The following MMS22L variants were observed in gnomAD, a reference collection of about 807,000 sequenced individuals.
The protein encoded by MMS22L is MMS22 like, DNA repair protein.
MMS22L carries 74 observed loss-of-function variants against 159.1 expected under a neutral mutation model. The ratio of observed to expected loss-of-function variants is 0.47; its 90% CI spans 0.39 to 0.56. The LOEUF (loss-of-function observed/expected upper bound fraction) is 0.56, where lower values mean the gene tolerates loss of function less well. MMS22L is among the 20% of genes least tolerant of loss of function. MMS22L has a pLI of 0.00. For missense variants in MMS22L, 1,351 were observed against 1,422.1 expected (o/e 0.95, Z 0.80); for synonymous variants, 517 against 506.9 (o/e 1.02, Z -0.27).
At chr6:97,210,376 C>T (rs1243747695) in intron 14 of MMS22L, among the ~76,000 whole-genome samples, 1 of 151,846 alleles carries the variant, frequency 6.6e-6, no homozygotes, top group Non-Finnish European at 1.5e-5. Flanking sequence ...AAGCAGACAA[C>T]AGGGTGAAGA....
chr6:97,161,687 T>C (rs1188956548), intron 22 of MMS22L, among the ~76,000 whole-genome samples: 1 of 152,042 alleles, frequency 6.6e-6, no homozygotes, highest in African/African-American at 2.4e-5. Flanking sequence ...TTGCCTTTAA[T>C]ACTGAAGTCA....
intron 14 of MMS22L, among the ~76,000 whole-genome samples, chr6:97,191,801 T>C (rs191290455): frequency 2.4e-4 from 36 of 152,338 alleles, no homozygotes; most frequent in Admixed American, 2.2e-3. Flanking sequence ...AAACAGGGCT[T>C]ACTCTGCCTT....
rs1387433700 is a variant in MMS22L, at chr6:97,269,931, T to C, written c.668A>G (p.Glu223Gly). The change falls in exon 7 of 25, where the codon GAA becomes GGA. Residue 223 changes from glutamate (E) to glycine (G), a missense_variant. Physicochemically the swap from Glu to Gly is moderately conservative, Grantham distance 98. Transcript: ENST00000683635. ...LHLDIHWLVLEILYMLGEKLK... is the reference protein window; with the variant it reads ...LHLDIHWLVLGILYMLGEKLK... ...TTTTTCACCCAGCATGTAAAGAATT[T>C]CTAGCACCAGCCAATGTATATCCAA... The C allele has an allele frequency of 6.2e-7, 1 of 1,611,950 alleles. No homozygotes were observed. The highest frequency in any genetic ancestry group is 8.5e-7 in the Non-Finnish European group (1 of 1,178,818).
chr6:97,240,630 AT>A (rs35779472), intron 11 of MMS22L, among the ~76,000 whole-genome samples: 55 of 147,142 alleles, frequency 3.7e-4, no homozygotes, highest in African/African-American at 7.3e-4. Flanking sequence ...AAGTATGGTC[AT>A]TTTTTTTTTT....
At chr6:97,172,829 G>GT (rs1180400957) in intron 19 of MMS22L, among the ~76,000 whole-genome samples, 3 of 152,046 alleles carry the variant, frequency 2.0e-5, no homozygotes, top group African/African-American at 7.2e-5. Context: ...CATATTTTCT[G>GT]TATTGATCAT....
intron 14 of MMS22L, among the ~76,000 whole-genome samples, chr6:97,189,591 T>TAAA (rs1241638061): frequency 2.6e-5 from 3 of 113,384 alleles, no homozygotes; most frequent in African/African-American, 3.3e-5. Flanking sequence ...AATAATTAAT[T>TAAA]AAAAAAAAAA....
chr6:97,206,655 C>CT (rs1212871971), intron 14 of MMS22L, among the ~76,000 whole-genome samples: 10 of 151,950 alleles, frequency 6.6e-5, no homozygotes, highest in Admixed American at 5.9e-4. Flanking sequence ...TGGGGAAAGA[C>CT]TTTTTTGTTA....
intron 2 of MMS22L, 65 bp from the exon 3 acceptor site, chr6:97,281,427 TCTTTA>T: frequency 1.5e-6 from 2 of 1,331,146 alleles, no homozygotes; most frequent in Non-Finnish European, 2.0e-6. Context: ...ACGGCTCTTT[TCTTTA>T]CATTATTTGA....
Position 97,273,080 on chromosome 6 carries a change from A to C in MMS22L, c.341-18T>G. On this transcript the variant is annotated intron_variant, in intron 4 of 24. Transcript: ENST00000683635. Reference sequence around the variant, plus strand: ...TACCTTCCCTGAAACCAAAATAGACAATGTTAATCATAGTTCAAATAATTA... The same window carrying C: ...TACCTTCCCTGAAACCAAAATAGACCATGTTAATCATAGTTCAAATAATTA... 6.3e-7 allele frequency: 1 copy of C among 1,578,440 alleles called. No homozygotes were observed. The highest frequency in any genetic ancestry group is 8.6e-7 in the Non-Finnish European group (1 of 1,162,844).
intron 14 of MMS22L, among the ~76,000 whole-genome samples, chr6:97,219,781 C>T (rs929499471): frequency 2.0e-5 from 3 of 152,136 alleles, no homozygotes; most frequent in Non-Finnish European, 4.4e-5. Context: ...GAAGCAAAGG[C>T]AAAAAGCAAA....
intron 22 of MMS22L, among the ~76,000 whole-genome samples, chr6:97,155,487 C>T (rs928750561): frequency 9.2e-5 from 14 of 152,088 alleles, no homozygotes; most frequent in East Asian, 1.9e-4. Flanking sequence ...TGACAGGCCC[C>T]GGTGTGTGAT....
At chr6:97,147,503 T>A (rs1421929909) in intron 24 of MMS22L, among the ~76,000 whole-genome samples, 2 of 152,212 alleles carry the variant, frequency 1.3e-5, no homozygotes, top group Non-Finnish European at 2.9e-5. Context: ...TGGGCCTGCA[T>A]AACCACACAA....
chr6:97,201,772 T>C (rs955633090), intron 14 of MMS22L, among the ~76,000 whole-genome samples: 1 of 152,206 alleles, frequency 6.6e-6, no homozygotes, highest in African/African-American at 2.4e-5. Flanking sequence ...AGCCTTTATC[T>C]CCAAATTCAC....
intron 1 of MMS22L, 36 bp from the exon 2 acceptor site, chr6:97,282,589 G>A (rs1816862393): frequency 2.7e-5 from 13 of 476,670 alleles, no homozygotes; most frequent in South Asian, 1.3e-4. Flanking sequence ...GAGAGAGTGG[G>A]GATTACTTCA....
chr6:97,182,705 C>CT (rs1242167074), intron 15 of MMS22L, among the ~76,000 whole-genome samples: 1 of 152,090 alleles, frequency 6.6e-6, no homozygotes, highest in Non-Finnish European at 1.5e-5. Flanking sequence ...GGGTGGCTGT[C>CT]TATTTTCCCA....
At chr6:97,281,722 T>C (rs959435697) in intron 2 of MMS22L, among the ~76,000 whole-genome samples, 1 of 152,234 alleles carries the variant, frequency 6.6e-6, no homozygotes, top group African/African-American at 2.4e-5. Flanking sequence ...GTCTGGAGAA[T>C]AGTATCCAAC....
Position 97,182,006 on chromosome 6 carries a change from A to C in MMS22L, c.2282T>G (p.Phe761Cys). 3 of 1,613,866 alleles carry C rather than the reference A, an allele frequency of 1.9e-6. No homozygotes were observed. The highest frequency in any genetic ancestry group is 2.5e-6 in the Non-Finnish European group (3 of 1,179,806). The change falls in exon 16 of 25, where the codon TTT (phenylalanine) becomes TGT (cysteine). Residue 761 changes from phenylalanine to cysteine, a missense_variant. Phe to Cys is a radical substitution (Grantham distance 205). Coordinates refer to ENST00000683635, the MANE Select transcript of MMS22L (RefSeq NM_001350599.2). ...MDMPSTAPSD[F>C]QPQPVISIIQ... The stretch of plus-strand genomic sequence containing the variant: ...AATTGATATAACTGGCTGAGGCTGA[A>C]AATCTGATGGAGCTGTGCTTGGCAT...
At chr6:97,277,566 A>C (rs1816363618) in intron 4 of MMS22L, among the ~76,000 whole-genome samples, 1 of 151,862 alleles carries the variant, frequency 6.6e-6, no homozygotes, top group Non-Finnish European at 1.5e-5. Flanking sequence ...CACACACACA[A>C]AATGAACAAA....
intron 14 of MMS22L, among the ~76,000 whole-genome samples, chr6:97,191,050 C>T (rs1312305719): frequency 6.6e-6 from 1 of 152,082 alleles, no homozygotes; most frequent in African/African-American, 2.4e-5. Flanking sequence ...GCTCTTTTGC[C>T]CCACTTTCCA....
Sources: allele counts gnomAD v4.1 joint callset (sites outside exome capture counted in the v4.1 genomes callset), GRCh38; gene constraint gnomAD v4.1.1; transcripts MANE v1.5; gene names NCBI Gene and HGNC (gene_info 2026-07-23, HGNC 2026-07-21).